Variants in ATAD2B observed in about 807,000 individuals in gnomAD.
ATAD2B encodes the protein ATPase family AAA domain containing 2B.
Under a neutral mutation model 167.6 loss-of-function variants are expected in ATAD2B, and 40 were observed. The ratio of observed to expected loss-of-function variants is 0.24; its 90% CI spans 0.19 to 0.31. ATAD2B has a LOEUF of 0.31. ATAD2B is among the 10% of genes least tolerant of loss of function. ATAD2B has a pLI of 1.00. For missense variants in ATAD2B, 1,242 were observed against 1,757.2 expected, an observed-to-expected ratio of 0.71 and a Z score of 5.24; for synonymous variants, 579 against 596.5, an observed-to-expected ratio of 0.97 and a Z score of 0.43.
chr2:23,817,130 T>G (rs1277244852), intron 17 of ATAD2B, among the ~76,000 whole-genome samples: 1 of 152,224 alleles, frequency 6.6e-6, no homozygotes, highest in Non-Finnish European at 1.5e-5. Flanking sequence ...TGTATGCTTC[T>G]TGGAGAGTGT....
chr2:23,723,632 G>A, the ATAD2B span, among the ~76,000 whole-genome samples: 1 of 152,206 alleles, frequency 6.6e-6, no homozygotes, highest in Non-Finnish European at 1.5e-5. Context: ...CACTGAGGAT[G>A]TAGAGAAAAG....
chr2:23,752,464 AAT>A (rs1444487304), intron 27 of ATAD2B, among the ~76,000 whole-genome samples: 1 of 149,810 alleles, frequency 6.7e-6, no homozygotes. Flanking sequence ...AAAATACATA[AAT>A]ATAAGTAAAT....
intron 25 of ATAD2B, 184 bp from the exon 26 acceptor site, chr2:23,754,958 C>A: frequency 9.6e-6 from 5 of 523,554 alleles, no homozygotes; most frequent in South Asian, 3.4e-5. Context: ...ACTAAGTAAC[C>A]CAAATTAAAG....
At chr2:23,910,660 AAGTTTGAGACC>A (rs1394862989) in intron 1 of ATAD2B, among the ~76,000 whole-genome samples, 1 of 147,204 alleles carries the variant, frequency 6.8e-6, no homozygotes, top group Non-Finnish European at 1.5e-5. Flanking sequence ...CTGAGGTCAG[AAGTTTGAGACC>A]AGCCTGACCA....
intron 2 of ATAD2B, among the ~76,000 whole-genome samples, chr2:23,892,101 TTCC>T (rs1376407128): frequency 6.6e-6 from 1 of 152,238 alleles, no homozygotes; most frequent in Non-Finnish European, 1.5e-5. Flanking sequence ...ACCTCACTAC[TTCC>T]TCATTACCTA....
chr2:23,766,414 C>A (rs1677416062), intron 22 of ATAD2B, among the ~76,000 whole-genome samples: 1 of 152,190 alleles, frequency 6.6e-6, no homozygotes, highest in South Asian at 2.1e-4. Context: ...ACAACATTTG[C>A]TTTTTCCTCT....
At chr2:23,730,116 A>T in the ATAD2B span, among the ~76,000 whole-genome samples, 1 of 151,958 alleles carries the variant, frequency 6.6e-6, no homozygotes, top group African/African-American at 2.4e-5. Context: ...AGGTGCATGT[A>T]AAAAAAATGC....
At chr2:23,765,707 A>C (rs1677312282) in intron 22 of ATAD2B, 79 bp from the exon 23 acceptor site, 1 of 966,438 alleles carries the variant, frequency 1.0e-6, no homozygotes, top group Non-Finnish European at 1.4e-6. Flanking sequence ...AAAGTAAAAG[A>C]ATACAAACAA....
At chr2:23,689,378 GT>G in the ATAD2B span, 1 of 152,570 alleles carries the variant, frequency 6.6e-6, no homozygotes, top group African/African-American at 2.4e-5. Flanking sequence ...GGCTCAGACT[GT>G]GGGCAAGACA....
the ATAD2B span, among the ~76,000 whole-genome samples, chr2:23,678,937 G>A: frequency 6.6e-6 from 1 of 152,020 alleles, no homozygotes; most frequent in Non-Finnish European, 1.5e-5. Flanking sequence ...TGTTTAATGG[G>A]TGTGGAGTTT....
At chr2:23,877,619 C>T (rs1043883843) in intron 7 of ATAD2B, among the ~76,000 whole-genome samples, 1 of 149,336 alleles carries the variant, frequency 6.7e-6, no homozygotes, top group Non-Finnish European at 1.5e-5. Flanking sequence ...AACTTGTAAT[C>T]CCAGCACTTT....
the ATAD2B span, among the ~76,000 whole-genome samples, chr2:23,685,107 G>C: frequency 0.011 from 1,628 of 152,372 alleles, 16 homozygotes; most frequent in Middle Eastern, 0.031. Context: ...TCCTTGTGCA[G>C]TGAGCCTAAA....
At chr2:23,737,904 A>G in the ATAD2B span, among the ~76,000 whole-genome samples, 1 of 152,234 alleles carries the variant, frequency 6.6e-6, no homozygotes, top group Non-Finnish European at 1.5e-5. Context: ...TGACGAATGC[A>G]GAAGCCTCAG....
chr2:23,808,066 A>AAG (rs1684821994), intron 18 of ATAD2B, among the ~76,000 whole-genome samples: 1 of 25,256 alleles, frequency 4.0e-5, no homozygotes, highest in Non-Finnish European at 8.7e-5. Flanking sequence ...ACTATAAATT[A>AAG]TAATATATAA....
At chr2:23,790,571 T>A (rs1681525908) in intron 19 of ATAD2B, among the ~76,000 whole-genome samples, 1 of 152,178 alleles carries the variant, frequency 6.6e-6, no homozygotes, top group Non-Finnish European at 1.5e-5. Context: ...GAATCCAACA[T>A]TTTATAAGTG....
At chr2:23,899,303 CAA>C (rs556774553) in intron 1 of ATAD2B, among the ~76,000 whole-genome samples, 6 of 67,360 alleles carry the variant, frequency 8.9e-5, no homozygotes, top group Non-Finnish European at 1.4e-4. Context: ...GACCCCATCT[CAA>C]AAAAAAAAAA....
At chr2:23,758,214 C>T in intron 24 of ATAD2B, 113 bp from the exon 25 acceptor site, 2 of 803,016 alleles carry the variant, frequency 2.5e-6, no homozygotes, top group South Asian at 4.0e-5. Context: ...ATGTAACACA[C>T]AAAAACTACT....
intron 17 of ATAD2B, among the ~76,000 whole-genome samples, chr2:23,818,290 AG>A (rs527344835): frequency 0.028 from 2,501 of 89,808 alleles, 72 homozygotes; most frequent in Non-Finnish European, 0.044. Context: ...GAAGAGAGGG[AG>A]GGGGGAGAGA....
chr2:23,679,051 T>TAA, the ATAD2B span, among the ~76,000 whole-genome samples: 27 of 141,804 alleles, frequency 1.9e-4, no homozygotes, highest in Non-Finnish European at 2.6e-4. Flanking sequence ...TTACCACAAC[T>TAA]AAAAAAAAAA....
Sources: allele counts gnomAD v4.1 joint callset (sites outside exome capture counted in the v4.1 genomes callset), GRCh38; gene constraint gnomAD v4.1.1; transcripts MANE v1.5; gene names NCBI Gene and HGNC (gene_info 2026-07-23, HGNC 2026-07-21).